The following ARSB variants were observed in gnomAD, a reference collection of about 807,000 sequenced individuals.
ARSB encodes N-acetylgalactosamine-4-sulfatase.
ARSB carries 41 observed loss-of-function variants against 50.9 expected under a neutral mutation model. That is an observed-to-expected ratio of 0.81 (90% CI 0.63 to 1.04). The LOEUF (loss-of-function observed/expected upper bound fraction) is 1.04. ARSB is among the 50% of genes least tolerant of loss of function. ARSB has a pLI of 0.00. For synonymous variants in ARSB, 269 were observed against 284.8 expected (o/e 0.94, Z 0.56); for missense variants, 672 against 693.3 (o/e 0.97, Z 0.35).
chr5:78,926,611 T>G (rs974954851), intron 4 of ARSB, among the ~76,000 whole-genome samples: 3 of 152,168 alleles, frequency 2.0e-5, no homozygotes, highest in Non-Finnish European at 4.4e-5. Flanking sequence ...CAAAATGACT[T>G]TACTACTCCT....
chr5:78,780,056 G>A lies in ARSB; in HGVS notation c.*341C>T, dbSNP rs770600510. On this transcript the variant is annotated 3_prime_UTR_variant, in exon 8 of 8. Transcript: ENST00000264914. The stretch of plus-strand genomic sequence containing the variant: ...GGCTATTGGCAGAGGGGAATCGAAC[G>A]TCTGACTTGTGAGTCTAAAAGAGCC... The A allele has an allele frequency of 3.7e-5, 12 of 326,024 alleles. No individual in the cohort carries two copies. Among genetic ancestry groups the A allele is most frequent in the Non-Finnish European group, 5.3e-5 (9 of 170,240 alleles). 20.2% of individuals were successfully genotyped at this position (326,024 alleles called of 1,614,324 possible). A position where few individuals can be genotyped will look rare whatever the true frequency, so the allele number is the denominator to read the frequency against.
intron 5 of ARSB, among the ~76,000 whole-genome samples, chr5:78,848,913 C>T (rs1044867309): frequency 8.8e-4 from 73 of 82,950 alleles, no homozygotes; most frequent in African/African-American, 2.5e-3. Context: ...TTGTTGATGG[C>T]GTTGTTTTTT....
At chr5:78,979,346 G>A (rs1391317073) in intron 1 of ARSB, among the ~76,000 whole-genome samples, 4 of 152,234 alleles carry the variant, frequency 2.6e-5, no homozygotes, top group Non-Finnish European at 4.4e-5. Flanking sequence ...GACAAGTGTT[G>A]GCAAGGATGT....
intron 5 of ARSB, among the ~76,000 whole-genome samples, chr5:78,872,832 AAG>A (rs1491398363): frequency 6.6e-6 from 1 of 151,096 alleles, no homozygotes; most frequent in Non-Finnish European, 1.5e-5. Context: ...AAAAAAAAAA[AAG>A]AAAGGGGCTA....
chr5:78,789,086 T>A (rs1343959701), intron 6 of ARSB, among the ~76,000 whole-genome samples: 1 of 152,236 alleles, frequency 6.6e-6, no homozygotes, highest in East Asian at 1.9e-4. Flanking sequence ...CTCTCTTGAC[T>A]GCACAAGGCA....
At chr5:78,877,514 T>G (rs2099786) in intron 5 of ARSB, among the ~76,000 whole-genome samples, 136,054 of 152,078 alleles carry the variant, frequency 0.89, 62,294 homozygotes, top group East Asian at 1. Context: ...TCAGCCTCCC[T>G]AGTAGCTGGG....
At chr5:78,855,349 T>G (rs1746085819) in intron 5 of ARSB, among the ~76,000 whole-genome samples, 1 of 152,134 alleles carries the variant, frequency 6.6e-6, no homozygotes, top group Non-Finnish European at 1.5e-5. Flanking sequence ...CTCTGAGCAG[T>G]CAAAGTACTG....
intron 5 of ARSB, 51 bp downstream of exon 5, chr5:78,885,533 G>C: frequency 6.2e-7 from 1 of 1,602,998 alleles, no homozygotes; most frequent in Non-Finnish European, 8.5e-7. Context: ...ATGGAGTCAG[G>C]CTGCTCTTGG....
chr5:78,810,660 T>C (rs1225313644), intron 6 of ARSB, among the ~76,000 whole-genome samples: 1 of 152,190 alleles, frequency 6.6e-6, no homozygotes, highest in Non-Finnish European at 1.5e-5. Context: ...TGAGTTTTTA[T>C]TTAGGATGCA....
At chr5:78,848,144 T>A (rs1322563666) in intron 5 of ARSB, among the ~76,000 whole-genome samples, 1 of 151,238 alleles carries the variant, frequency 6.6e-6, no homozygotes, top group East Asian at 1.9e-4. Context: ...TGTATACATG[T>A]GCCATGCTGT....
intron 7 of ARSB, among the ~76,000 whole-genome samples, chr5:78,781,323 C>CTTTTTTTTTTTTTTTTTTTT (rs376851173): frequency 1.3e-5 from 1 of 75,320 alleles, no homozygotes; most frequent in Non-Finnish European, 2.2e-5. Flanking sequence ...CTCTCTCTCT[C>CTTTTTTTTTTTTTTTTTTTT]TTTTTTTTTT....
intron 5 of ARSB, among the ~76,000 whole-genome samples, chr5:78,868,495 G>C (rs1424698297): frequency 8.0e-6 from 1 of 124,478 alleles, no homozygotes; most frequent in Non-Finnish European, 1.7e-5. Flanking sequence ...AGAGGAGAGT[G>C]GGGGCCAATA....
intron 6 of ARSB, among the ~76,000 whole-genome samples, chr5:78,827,540 A>G (rs1744488396): frequency 6.6e-6 from 1 of 152,194 alleles, no homozygotes; most frequent in South Asian, 2.1e-4. Context: ...AGATTATTCT[A>G]ACACTTTGCT....
At chr5:78,964,969 C>G (rs1752145103) in intron 2 of ARSB, among the ~76,000 whole-genome samples, 1 of 152,058 alleles carries the variant, frequency 6.6e-6, no homozygotes, top group African/African-American at 2.4e-5. Flanking sequence ...CAGGTTTTTA[C>G]TCTAAGGTGA....
At chr5:78,862,661 A>T (rs1006621721) in intron 5 of ARSB, among the ~76,000 whole-genome samples, 6 of 152,218 alleles carry the variant, frequency 3.9e-5, no homozygotes, top group Admixed American at 2.0e-4. Context: ...GAAGAAAAAA[A>T]CCTAGGCATT....
chr5:78,790,629 T>TTC (rs1749210589), intron 6 of ARSB, among the ~76,000 whole-genome samples: 1 of 152,212 alleles, frequency 6.6e-6, no homozygotes, highest in Non-Finnish European at 1.5e-5. Context: ...GCTTTAAGTG[T>TTC]TCTATGTATA....
At chr5:78,852,773 T>C (rs1222294957) in intron 5 of ARSB, among the ~76,000 whole-genome samples, 1 of 152,116 alleles carries the variant, frequency 6.6e-6, no homozygotes, top group African/African-American at 2.4e-5. Flanking sequence ...TTCTTTTTTC[T>C]CTAAACTTCC....
At chr5:78,822,860 T>A (rs986616178) in intron 6 of ARSB, among the ~76,000 whole-genome samples, 3 of 152,090 alleles carry the variant, frequency 2.0e-5, no homozygotes, top group Non-Finnish European at 4.4e-5. Context: ...ATGGTCTCGA[T>A]CTCTTGACCT....
chr5:78,903,864 C>T (rs1272867663), intron 4 of ARSB, among the ~76,000 whole-genome samples: 1 of 152,134 alleles, frequency 6.6e-6, no homozygotes, highest in Non-Finnish European at 1.5e-5. Flanking sequence ...TTTTAATTTA[C>T]ATACAGTAAA....
Sources: allele counts gnomAD v4.1 joint callset (sites outside exome capture counted in the v4.1 genomes callset), GRCh38; gene constraint gnomAD v4.1.1; transcripts MANE v1.5; gene names NCBI Gene and HGNC (gene_info 2026-07-23, HGNC 2026-07-21).